WASHC2C: variants seen among roughly 807,000 people sequenced by gnomAD.
WASHC2C encodes the protein Vaccinia Penetration Factor.
In WASHC2C, 73 loss-of-function variants were observed where a neutral mutation model predicts 142.2. That is an observed-to-expected ratio of 0.51 (90% CI 0.43 to 0.62). WASHC2C has a LOEUF of 0.62. WASHC2C is among the 20% of genes least tolerant of loss of function. The pLI, the probability that WASHC2C is intolerant of heterozygous loss-of-function variation, is 0.00. For synonymous variants in WASHC2C, 337 were observed against 565.5 expected (o/e 0.60, Z 5.73); for missense variants, 969 against 1,531.7 (o/e 0.63, Z 6.13).
At chr10:45,727,262 C>T (rs2049949345), upstream of WASHC2C, 3 of 1,539,724 alleles carry the variant, frequency 1.9e-6, no homozygotes, top group Admixed American at 4.0e-5. Flanking sequence ...TTCCGGGGCT[C>T]TGCGGTCCTC....
intron 3 of WASHC2C, among the ~76,000 whole-genome samples, chr10:45,737,059 G>T (rs1215159672): frequency 6.6e-6 from 1 of 151,432 alleles, no homozygotes; most frequent in African/African-American, 2.4e-5. Context: ...GCTCACTGCA[G>T]CCTTTACCTC....
rs2050250142 is a variant in WASHC2C, at chr10:45,729,120, G to A, written c.291+94G>A. 10 of 1,290,872 alleles carry A rather than the reference G, an allele frequency of 7.7e-6. No homozygotes were observed. The South Asian group carries it at 1.2e-4, about 15-fold the overall frequency. 80.0% of individuals were successfully genotyped at this position (1,290,872 alleles called of 1,614,324 possible). On this transcript the variant is annotated intron_variant, in intron 3 of 30. Transcript: ENST00000623400. ...CTGTTAGGTTCCCTCCTAAATTTTG[G>A]TGGAAGTGTGGTTCTTGGTAATTGT...
At position 45,731,124 on chromosome 10, in the gene WASHC2C, G is replaced by T. The variant is rs1281840695; in HGVS notation, c.291+2098G>T. 1.2e-3 allele frequency among the ~76,000 whole-genome samples: 171 copies of T among 146,200 alleles called. 1 individual carries two copies. Among genetic ancestry groups the T allele is most frequent in the African/African-American group, 4.2e-3 (164 of 39,050 alleles). On this transcript the variant is annotated intron_variant, in intron 3 of 30. Coordinates refer to ENST00000623400, the MANE Select transcript of WASHC2C (RefSeq NM_001330074.2). ...GTTGTAGTTTTTGTGGAGTTTTTTT[G>T]GTTTTGTTTTATTGTGTTTTGGTAA... is the stretch of plus-strand genomic sequence containing the variant.
intron 16 of WASHC2C, among the ~76,000 whole-genome samples, chr10:45,757,781 G>T (rs2054495384): frequency 6.6e-6 from 1 of 152,206 alleles, no homozygotes; most frequent in South Asian, 2.1e-4. Flanking sequence ...GTTCACAATA[G>T]CGTTTGCCTT....
At chr10:45,727,859 C>T (rs1341794709) in intron 2 of WASHC2C, among the ~76,000 whole-genome samples, 6 of 152,064 alleles carry the variant, frequency 3.9e-5, no homozygotes, top group African/African-American at 1.4e-4. Flanking sequence ...GGGACCTGGA[C>T]TAAATGGGGT....
intron 5 of WASHC2C, among the ~76,000 whole-genome samples, chr10:45,742,524 C>T (rs1322166776): frequency 6.6e-6 from 1 of 152,208 alleles, no homozygotes; most frequent in Non-Finnish European, 1.5e-5. Flanking sequence ...CCACGTTGGC[C>T]AGGCTGGTCT....
intron 16 of WASHC2C, 72 bp downstream of exon 16, chr10:45,757,211 G>A (rs2054417894): frequency 3.1e-6 from 5 of 1,607,864 alleles, no homozygotes; most frequent in Non-Finnish European, 8.5e-7. Flanking sequence ...GGAACCCAGA[G>A]GGAAGTACTG....
At position 45,754,466 on chromosome 10, in the gene WASHC2C, C is replaced by A. The variant is rs1554876289; in HGVS notation, c.1181-20C>A. ...GTTATTTCCCTTGTAAAATGGTTAC[C>A]CCTTGCTTTCTCATTCTAGAGTCTT... On this transcript the variant is annotated intron_variant, in intron 13 of 30. Transcript: ENST00000623400. 3 of 1,585,490 alleles carry A rather than the reference C, an allele frequency of 1.9e-6. No homozygotes were observed. The African/African-American group carries it at 4.1e-5, about 21-fold the overall frequency.
chr10:45,786,870 A>G, intron 27 of WASHC2C, 165 bp from the exon 28 acceptor site: 1 of 1,570,958 alleles, frequency 6.4e-7, no homozygotes, highest in Non-Finnish European at 8.7e-7. Flanking sequence ...GCATAGGTGT[A>G]AGACGCTCTG....
rs1231553690 is a variant in WASHC2C at position 45,792,843 on chromosome 10, G to A, written c.*443G>A. On this transcript the variant is annotated 3_prime_UTR_variant, in exon 31 of 31. Coordinates refer to ENST00000623400, the MANE Select transcript of WASHC2C (RefSeq NM_001330074.2). ...TATACTTCATGAGTCTTAGCAATAT[G>A]GGAGCAGGTTTTCACTGAATTCTGA... 4.2e-6 allele frequency: 2 copies of A among 472,244 alleles called. No homozygotes were observed. Among genetic ancestry groups the A allele is most frequent in the Non-Finnish European group, 8.7e-6 (2 of 229,158 alleles). 29.3% of individuals were successfully genotyped at this position (472,244 alleles called of 1,614,324 possible). A position where few individuals can be genotyped will look rare whatever the true frequency, so the allele number is the denominator to read the frequency against.
chr10:45,766,235 T>G (rs577669386), intron 19 of WASHC2C, among the ~76,000 whole-genome samples: 13 of 152,364 alleles, frequency 8.5e-5, no homozygotes, highest in Middle Eastern at 3.4e-3. Flanking sequence ...GTGTCAATTT[T>G]ATGCAGTCTG....
chr10:45,747,866 T>A (rs1257567855), intron 8 of WASHC2C, among the ~76,000 whole-genome samples: 2 of 150,266 alleles, frequency 1.3e-5, no homozygotes, highest in Admixed American at 6.6e-5. Flanking sequence ...ATTACAGGTA[T>A]GAGCCACCAC....
At chr10:45,738,298 A>T (rs1220118564) in intron 4 of WASHC2C, among the ~76,000 whole-genome samples, 1 of 151,418 alleles carries the variant, frequency 6.6e-6, no homozygotes, top group African/African-American at 2.4e-5. Context: ...AAAGGGCCAG[A>T]TAGTACATAT....
chr10:45,731,752 G>GA (rs1379068516), intron 3 of WASHC2C, among the ~76,000 whole-genome samples: 1 of 148,972 alleles, frequency 6.7e-6, no homozygotes, highest in Non-Finnish European at 1.5e-5. Flanking sequence ...ATAAAACTCT[G>GA]AAAAAATATA....
Position 45,759,794 on chromosome 10 carries a change from A to G in WASHC2C, c.1635+393A>G, listed in dbSNP as rs868992985. On this transcript the variant is annotated intron_variant, in intron 17 of 30. Coordinates refer to ENST00000623400, the MANE Select transcript of WASHC2C (RefSeq NM_001330074.2). ...AGATCACACCATTGCACTCCAGTCT[A>G]GGCGACAGAGCGAGACTTCATCTCA... Among the ~76,000 whole-genome samples, 147 of 151,002 alleles carry G rather than the reference A, an allele frequency of 9.7e-4. No homozygotes were observed. In the Middle Eastern group the frequency reaches 0.01, roughly 10 times the overall value.
chr10:45,761,892 T>G (rs2055142075), intron 17 of WASHC2C, among the ~76,000 whole-genome samples: 1 of 152,160 alleles, frequency 6.6e-6, no homozygotes, highest in African/African-American at 2.4e-5. Flanking sequence ...TGGCCTCTTC[T>G]ATCTAAATAA....
intron 3 of WASHC2C, among the ~76,000 whole-genome samples, chr10:45,733,971 T>TGTA (rs2050906697): frequency 6.6e-6 from 1 of 152,070 alleles, no homozygotes; most frequent in Admixed American, 6.6e-5. Context: ...GGCTCACGCC[T>TGTA]GTAGCACTTT....
Position 45,792,628 on chromosome 10 carries a change from A to G in WASHC2C, c.*228A>G. 1.7e-6 allele frequency: 1 copy of G among 574,612 alleles called. No homozygotes were observed. Among genetic ancestry groups the G allele is most frequent in the Non-Finnish European group, 3.2e-6 (1 of 312,996 alleles). The allele number at this position is 574,612 out of a possible 1,614,324, so 35.6% of individuals were successfully genotyped here. ...TTGGTTTGTTTTGTTTTTAAACCAC[A>G]GTTTGATTTAGTTAGCCTTGCTGGG... On this transcript the variant is annotated 3_prime_UTR_variant, in exon 31 of 31. Transcript: ENST00000623400.
chr10:45,789,477 C>A lies in WASHC2C; in HGVS notation c.3694C>A (p.Gln1232Lys), dbSNP rs2058266318. 1.2e-6 allele frequency: 2 copies of A among 1,611,874 alleles called. No homozygotes were observed. The highest frequency in any genetic ancestry group is 1.3e-5 in the African/African-American group (1 of 74,838). Residue 1232 changes from glutamine (Q) to lysine (K), a missense_variant, in exon 29 of 31, where the codon CAA becomes AAA. Coordinates refer to ENST00000623400, the MANE Select transcript of WASHC2C (RefSeq NM_001330074.2). ...TCAGCAGGATGTCATATTAACAACA[C>A]AAGATATTTTTGAGGTAATAGGACT... ...SSQQDVILTT[Q>K]DIFEDDIFAT...
Sources: allele counts gnomAD v4.1 joint callset (sites outside exome capture counted in the v4.1 genomes callset), GRCh38; gene constraint gnomAD v4.1.1; transcripts MANE v1.5; gene names NCBI Gene and HGNC (gene_info 2026-07-23, HGNC 2026-07-21).